Variants in RALYL observed in about 807,000 individuals in gnomAD.
RALYL encodes RALY RNA binding protein like, also known as RNA-binding Raly-like protein.
RALYL carries 29 observed loss-of-function variants against 35.1 expected under a neutral mutation model. The ratio of observed to expected loss-of-function variants is 0.83; its 90% CI spans 0.61 to 1.13. The LOEUF is 1.13. RALYL is among the 50% of genes most tolerant of loss of function. The pLI is 0.00. For synonymous variants in RALYL, 120 were observed against 127.6 expected, an observed-to-expected ratio of 0.94 and a Z score of 0.40; for missense variants, 359 against 360.4, an observed-to-expected ratio of 1.00 and a Z score of 0.03.
In RALYL at chr8:84,804,758, A is replaced by AT. The variant is rs1364885118; in HGVS notation, c.333-6dup. 1 of 1,165,216 alleles carries AT rather than the reference A, an allele frequency of 8.6e-7. No homozygotes were observed. The highest frequency in any genetic ancestry group is 1.6e-5 in the African/African-American group (1 of 63,520). 72.2% of individuals were successfully genotyped at this position (1,165,216 alleles called of 1,614,324 possible). On this transcript the variant is annotated splice_polypyrimidine_tract_variant and intron_variant, in intron 3 of 8. Transcript: ENST00000521268. ...TTTTATATTAAAAGAAAATTTTCATATTTTTTCATAGACTTGAATCAAAGG... is the reference window on the plus strand; with the variant it reads ...TTTTATATTAAAAGAAAATTTTCATATTTTTTTCATAGACTTGAATCAAAGG...
chr8:84,471,157 GAAAGTCAAA>G (rs2133698908), intron 1 of RALYL, among the ~76,000 whole-genome samples: 1 of 152,324 alleles, frequency 6.6e-6, no homozygotes, highest in African/African-American at 2.4e-5. Context: ...CTTGGACAGA[GAAAGTCAAA>G]TCACACCATG....
intron 2 of RALYL, among the ~76,000 whole-genome samples, chr8:84,551,104 A>G (rs2060691420): frequency 6.6e-6 from 1 of 152,044 alleles, no homozygotes; most frequent in Non-Finnish European, 1.5e-5. Context: ...TAGTTTTTAA[A>G]AATAGAATTT....
intron 1 of RALYL, among the ~76,000 whole-genome samples, chr8:84,246,505 A>C (rs950601846): frequency 5.9e-5 from 9 of 152,144 alleles, no homozygotes; most frequent in Admixed American, 1.3e-4. Flanking sequence ...TGTAATTCCA[A>C]GTAAGAATTT....
chr8:84,388,956 T>C (rs1257982198), intron 1 of RALYL, among the ~76,000 whole-genome samples: 3 of 152,176 alleles, frequency 2.0e-5, no homozygotes, highest in Non-Finnish European at 4.4e-5. Flanking sequence ...GGTTTTCTTC[T>C]AGGGTTTTTA....
rs138799694 is a variant in RALYL, at chr8:84,661,800, A to G, written c.257-112779A>G. On this transcript the variant is annotated intron_variant, in intron 2 of 8. Coordinates refer to ENST00000521268, the MANE Select transcript of RALYL (RefSeq NM_173848.7). ...TGATAAGGAAGCTCCACCTAAGTGT[A>G]TGGTTATTTATTTCTTCTTCTTGCC... Among the ~76,000 whole-genome samples, 90 of 152,134 alleles carry G rather than the reference A, an allele frequency of 5.9e-4. No homozygotes were observed. In the East Asian group the frequency reaches 0.013, roughly 22 times the overall value.
intron 1 of RALYL, among the ~76,000 whole-genome samples, chr8:84,193,551 A>G (rs1814505715): frequency 6.6e-6 from 1 of 152,216 alleles, no homozygotes; most frequent in Non-Finnish European, 1.5e-5. Flanking sequence ...AACTGATAAC[A>G]ATGCTGACTG....
chr8:84,323,712 A>G (rs1389772082), intron 1 of RALYL, among the ~76,000 whole-genome samples: 1 of 152,100 alleles, frequency 6.6e-6, no homozygotes, highest in African/African-American at 2.4e-5. Flanking sequence ...TGGATATCCT[A>G]TATGACCACA....
intron 1 of RALYL, among the ~76,000 whole-genome samples, chr8:84,431,439 G>A (rs1037118750): frequency 1.1e-4 from 16 of 151,856 alleles, no homozygotes; most frequent in Non-Finnish European, 1.6e-4. Context: ...AAACTACAGC[G>A]AGTTATCACC....
At chr8:84,763,033 T>C (rs2133388172) in intron 2 of RALYL, among the ~76,000 whole-genome samples, 1 of 152,266 alleles carries the variant, frequency 6.6e-6, no homozygotes, top group South Asian at 2.1e-4. Flanking sequence ...TATTCTAGGG[T>C]TGTATACTTC....
intron 2 of RALYL, among the ~76,000 whole-genome samples, chr8:84,708,767 C>G (rs1253054362): frequency 6.6e-6 from 1 of 152,056 alleles, no homozygotes; most frequent in Non-Finnish European, 1.5e-5. Flanking sequence ...TGCTGAAACT[C>G]CACATGACCT....
At chr8:84,659,820 A>T (rs111331546) in intron 2 of RALYL, among the ~76,000 whole-genome samples, 10 of 152,208 alleles carry the variant, frequency 6.6e-5, no homozygotes, top group Non-Finnish European at 1.3e-4. Flanking sequence ...TATGATCCCC[A>T]TATTAATCAA....
chr8:84,715,083 A>G (rs1842765452), intron 2 of RALYL, among the ~76,000 whole-genome samples: 1 of 151,960 alleles, frequency 6.6e-6, no homozygotes, highest in African/African-American at 2.4e-5. Context: ...TAAACTTACA[A>G]TGTTTATTAT....
intron 1 of RALYL, among the ~76,000 whole-genome samples, chr8:84,521,901 T>C (rs552839817): frequency 4.3e-4 from 65 of 152,290 alleles, no homozygotes; most frequent in African/African-American, 1.4e-3. Context: ...TCTTAGTACC[T>C]AATTGTTCTA....
intron 1 of RALYL, among the ~76,000 whole-genome samples, chr8:84,455,738 T>A (rs1051805029): frequency 6.6e-6 from 1 of 152,068 alleles, no homozygotes; most frequent in Non-Finnish European, 1.5e-5. Flanking sequence ...TTTCAGGATC[T>A]CTAGATTAAC....
intron 1 of RALYL, among the ~76,000 whole-genome samples, chr8:84,508,562 A>G (rs1310563664): frequency 1.3e-5 from 2 of 152,126 alleles, no homozygotes; most frequent in African/African-American, 4.8e-5. Context: ...TAAATTAAAA[A>G]TCTTGAAAGG....
intron 1 of RALYL, chr8:84,185,232 A>C: frequency 1.7e-6 from 1 of 588,418 alleles, no homozygotes; most frequent in Non-Finnish European, 3.0e-6. Flanking sequence ...TACACCTCTA[A>C]GGTATTAAAA....
intron 3 of RALYL, among the ~76,000 whole-genome samples, chr8:84,798,806 C>A (rs1433445387): frequency 6.6e-6 from 1 of 152,140 alleles, no homozygotes; most frequent in Non-Finnish European, 1.5e-5. Context: ...TCTGCAAAAA[C>A]ACACATATGC....
At chr8:84,626,228 A>G (rs921132376) in intron 2 of RALYL, among the ~76,000 whole-genome samples, 1 of 152,180 alleles carries the variant, frequency 6.6e-6, no homozygotes, top group African/African-American at 2.4e-5. Flanking sequence ...GTTTAAGTTG[A>G]ACATACTGAG....
At chr8:84,820,720 C>G (rs2134229847) in intron 4 of RALYL, among the ~76,000 whole-genome samples, 1 of 152,150 alleles carries the variant, frequency 6.6e-6, no homozygotes, top group South Asian at 2.1e-4. Flanking sequence ...TGCCCCCTGA[C>G]AGGCCCTGGT....
Sources: gnomAD v4.1 joint callset for allele counts (sites outside exome capture counted in the v4.1 genomes callset) on GRCh38, gnomAD v4.1.1 for gene constraint, MANE v1.5 for transcripts, NCBI Gene and HGNC (gene_info 2026-07-23, HGNC 2026-07-21) for gene names.